Variants in SLC22A25 observed in about 807,000 individuals in gnomAD.
SLC22A25 encodes the protein solute carrier family 22 member 25.
A neutral mutation model predicts 45.9 loss-of-function variants in SLC22A25; 44 were observed. The observed-to-expected ratio is 0.96, with a 90% CI of 0.75 to 1.23. SLC22A25 has a LOEUF of 1.23. Among genes scored for constraint, SLC22A25 ranks in the 50% most tolerant of loss-of-function variants. The pLI is 0.00. For missense variants in SLC22A25, 800 were observed against 666.4 expected (o/e 1.20, Z -2.21); for synonymous variants, 283 against 238.6 (o/e 1.19, Z -1.72).
At chr11:63,177,592 T>C (rs1320177858) in intron 9 of SLC22A25, among the ~76,000 whole-genome samples, 1 of 151,720 alleles carries the variant, frequency 6.6e-6, no homozygotes, top group East Asian at 1.9e-4. Context: ...GTAGCCACCA[T>C]TTCACTTATT....
intron 3 of SLC22A25, among the ~76,000 whole-genome samples, chr11:63,233,105 T>C (rs1484875284): frequency 6.6e-6 from 1 of 152,210 alleles, no homozygotes; most frequent in East Asian, 1.9e-4. Context: ...CTTTTTCTGT[T>C]GTGTCTCTGC....
chr11:63,226,090 C>T (rs756340569), intron 5 of SLC22A25, among the ~76,000 whole-genome samples: 8 of 151,986 alleles, frequency 5.3e-5, no homozygotes, highest in Non-Finnish European at 2.9e-5. Context: ...ACCATTATTT[C>T]GAATTTTCTA....
chr11:63,169,382 T>C (rs1208569250), intron 9 of SLC22A25, among the ~76,000 whole-genome samples: 1 of 151,826 alleles, frequency 6.6e-6, no homozygotes, highest in Non-Finnish European at 1.5e-5. Context: ...GCAAATTGCA[T>C]AGAGTCAAGA....
intron 5 of SLC22A25, among the ~76,000 whole-genome samples, chr11:63,221,590 T>G (rs995550532): frequency 6.6e-5 from 10 of 152,080 alleles, no homozygotes; most frequent in Non-Finnish European, 1.5e-4. Context: ...TCTCTTCCCT[T>G]TGTTGATTGT....
intron 9 of SLC22A25, among the ~76,000 whole-genome samples, chr11:63,176,328 A>G (rs1181921061): frequency 1.3e-5 from 2 of 152,054 alleles, no homozygotes; most frequent in East Asian, 1.9e-4. Context: ...ATTTAATAAT[A>G]TAAAGCTTTG....
chr11:63,177,351 AGTGT>A (rs58040188), intron 9 of SLC22A25, among the ~76,000 whole-genome samples: 7,256 of 149,680 alleles, frequency 0.048, 249 homozygotes, highest in African/African-American at 0.097. Context: ...TCATCATTTG[AGTGT>A]GTGTGTGTGT....
chr11:63,237,149 A>G (rs766337456), intron 3 of SLC22A25, among the ~76,000 whole-genome samples: 1 of 152,200 alleles, frequency 6.6e-6, no homozygotes, highest in Non-Finnish European at 1.5e-5. Flanking sequence ...TTGAGCACAC[A>G]TGGACATAAA....
At chr11:63,230,931 G>C (rs1280304402) in intron 3 of SLC22A25, among the ~76,000 whole-genome samples, 1 of 152,128 alleles carries the variant, frequency 6.6e-6, no homozygotes, top group Non-Finnish European at 1.5e-5. Flanking sequence ...ATAGTTGGTT[G>C]AGAAGGATGG....
intron 7 of SLC22A25, among the ~76,000 whole-genome samples, chr11:63,216,577 C>T (rs771700553): frequency 2.6e-5 from 4 of 152,080 alleles, no homozygotes; most frequent in Admixed American, 6.6e-5. Flanking sequence ...TTTGCAGGGA[C>T]ATGGATGGAG....
intron 9 of SLC22A25, among the ~76,000 whole-genome samples, chr11:63,174,429 T>C (rs1163179664): frequency 6.6e-6 from 1 of 152,152 alleles, no homozygotes; most frequent in African/African-American, 2.4e-5. Flanking sequence ...CAGTCTAAGC[T>C]ATTTTCCTGT....
At chr11:63,228,872 T>G (rs986663409) in intron 4 of SLC22A25, among the ~76,000 whole-genome samples, 1 of 152,226 alleles carries the variant, frequency 6.6e-6, no homozygotes, top group African/African-American at 2.4e-5. Context: ...CCCCTAGACT[T>G]TCTCATATGA....
At chr11:63,219,378 C>T (rs1037911426) in intron 5 of SLC22A25, among the ~76,000 whole-genome samples, 4 of 152,132 alleles carry the variant, frequency 2.6e-5, no homozygotes, top group African/African-American at 9.7e-5. Context: ...CGTTGCTTTT[C>T]TTTGACGTTT....
chr11:63,196,243 A>T (rs1341624683), intron 7 of SLC22A25, among the ~76,000 whole-genome samples: 1 of 152,136 alleles, frequency 6.6e-6, no homozygotes, highest in Non-Finnish European at 1.5e-5. Context: ...GTCCTCCATA[A>T]CTCATTTTAT....
At chr11:63,225,191 C>G (rs980615585) in intron 5 of SLC22A25, among the ~76,000 whole-genome samples, 1 of 151,996 alleles carries the variant, frequency 6.6e-6, no homozygotes, top group African/African-American at 2.4e-5. Context: ...GTCATAATAT[C>G]CTGTGATTTT....
chr11:63,166,812 T>C, intron 9 of SLC22A25: 1 of 984,114 alleles, frequency 1.0e-6, no homozygotes, highest in Non-Finnish European at 1.2e-6. Flanking sequence ...TTTTATATTA[T>C]GTATATTTAA....
intron 3 of SLC22A25, among the ~76,000 whole-genome samples, chr11:63,236,358 C>G (rs12576556): frequency 0.35 from 52,547 of 151,964 alleles, 9,422 homozygotes; most frequent in East Asian, 0.56. Flanking sequence ...ACCCCTCCCC[C>G]AGCCTTGCTG....
At position 63,229,765 on chromosome 11, in the gene SLC22A25, C is replaced by T; in HGVS notation, c.-113G>A. 1 of 1,108,828 alleles carries T rather than the reference C, an allele frequency of 9.0e-7. No individual in the cohort carries two copies. The highest frequency in any genetic ancestry group is 1.6e-5 in the African/African-American group (1 of 64,102). 68.7% of individuals were successfully genotyped at this position (1,108,828 alleles called of 1,614,324 possible). On this transcript the variant is annotated 5_prime_UTR_variant, in exon 4 of 12. Transcript: ENST00000306494. ...CACTAAGTGTGTGTGTTGATCCTGA[C>T]CCCACTCTCTTCTTAATGGGCCCTC...
At chr11:63,233,191 G>A (rs940539618) in intron 3 of SLC22A25, among the ~76,000 whole-genome samples, 4 of 152,008 alleles carry the variant, frequency 2.6e-5, no homozygotes, top group Non-Finnish European at 4.4e-5. Context: ...ATTGATTGTA[G>A]TACTTTAAGA....
chr11:63,210,967 T>C (rs1050018119), intron 7 of SLC22A25, among the ~76,000 whole-genome samples: 4 of 152,100 alleles, frequency 2.6e-5, no homozygotes, highest in African/African-American at 9.7e-5. Context: ...ACCCTGGAGA[T>C]AGAGGTGCTA....
Sources: allele counts gnomAD v4.1 joint callset (sites outside exome capture counted in the v4.1 genomes callset), GRCh38; gene constraint gnomAD v4.1.1; transcripts MANE v1.5; gene names NCBI Gene and HGNC (gene_info 2026-07-23, HGNC 2026-07-21).